The following TRIM65 variants were observed in gnomAD, a reference collection of about 807,000 sequenced individuals.
The protein encoded by TRIM65 is tripartite motif containing 65, also known as E3 ubiquitin-protein ligase TRIM65.
A neutral mutation model predicts 36.1 loss-of-function variants in TRIM65; 46 were observed. That is an observed-to-expected ratio of 1.27 (90% confidence interval 1.01 to 1.63). The LOEUF (loss-of-function observed/expected upper bound fraction) is 1.63. TRIM65 is among the 40% of genes most tolerant of loss of function. The pLI is 0.00. For missense variants in TRIM65, 708 were observed against 696.6 expected, an observed-to-expected ratio of 1.02 and a Z score of -0.18; for synonymous variants, 346 against 313.6, an observed-to-expected ratio of 1.10 and a Z score of -1.09.
chr17:75,891,924 T>C (rs1356924310), intron 4 of TRIM65, 46 bp from the exon 5 acceptor site: 1 of 1,578,980 alleles, frequency 6.3e-7, no homozygotes, highest in Admixed American at 1.8e-5. Context: ...GAGGTCACGA[T>C]GTGTGGGCCC....
intron 1 of TRIM65, among the ~76,000 whole-genome samples, chr17:75,895,450 C>T (rs2065332222): frequency 6.6e-6 from 1 of 152,158 alleles, no homozygotes; most frequent in African/African-American, 2.4e-5. Flanking sequence ...CCCCCAGGAC[C>T]CTGCCCGATC....
chr17:75,896,492 C>T, intron 1 of TRIM65, 32 bp downstream of exon 1: 1 of 1,303,574 alleles, frequency 7.7e-7, no homozygotes, highest in Non-Finnish European at 9.8e-7. Context: ...GCGGCGGGTC[C>T]GGACCCCTCC....
chr17:75,892,934 G>GGTGT, intron 1 of TRIM65, 84 bp from the exon 2 acceptor site: 18 of 1,243,316 alleles, frequency 1.4e-5, no homozygotes, highest in Non-Finnish European at 1.9e-5. Context: ...AACCATGCCT[G>GGTGT]CAGACACCAG....
At chr17:75,892,662 G>A (rs3744027) in intron 2 of TRIM65, 93 bp downstream of exon 2, 256,742 of 1,328,732 alleles carry the variant, frequency 0.19, 27,229 homozygotes, top group African/African-American at 0.41. Flanking sequence ...GCTCAGCCCC[G>A]CTCCCTGCTG....
In TRIM65 at chr17:75,891,128, G is replaced by A. The variant is rs531815348; in HGVS notation, c.1205C>T (p.Pro402Leu). 6.2e-6 allele frequency: 10 copies of A among 1,608,486 alleles called. No homozygotes were observed. In the East Asian group the frequency reaches 6.7e-5, roughly 11 times the overall value. ...CCCCAGCCTGCACCGTGGCAGTTGCGGGTAGGAGACGCCCAGTGTCACCGA... is the reference window on the plus strand; with the variant it reads ...CCCCAGCCTGCACCGTGGCAGTTGCAGGTAGGAGACGCCCAGTGTCACCGA... ...DHSVTLGVSY[P>L]QLPRCRLGPH... The change falls in exon 6 of 6, where the codon CCG (proline) becomes CTG (leucine). Residue 402 changes from proline to leucine, a missense_variant. Pro to Leu is a moderately conservative substitution (Grantham distance 98). Transcript: ENST00000269383.
downstream of TRIM65, chr17:75,880,204 C>T (rs2065160754): frequency 6.6e-6 from 1 of 150,824 alleles, no homozygotes; most frequent in African/African-American, 2.5e-5. Context: ...AGACTCTGTC[C>T]TGGGCGTCTG....
chr17:75,883,453 T>G (rs1170499206), intron 4 of TRIM65, among the ~76,000 whole-genome samples: 1 of 152,026 alleles, frequency 6.6e-6, no homozygotes, highest in African/African-American at 2.4e-5. Flanking sequence ...TGTTTTATTT[T>G]GTTTTTTGGT....
Position 75,892,314 on chromosome 17 carries a change from TGCA to T in TRIM65, c.694_696del (p.Cys232del). 2.5e-6 allele frequency: 4 copies of T among 1,612,670 alleles called. No homozygotes were observed. Among genetic ancestry groups the T allele is most frequent in the Non-Finnish European group, 3.4e-6 (4 of 1,179,904 alleles). ...ACCTGCTCCAGGAGCTCCCGGATCC[TGCA>T]GCCATGGCGAGCCACAGCCTCCAAA... is the stretch of plus-strand genomic sequence containing the variant. On this transcript the variant is annotated inframe_deletion, in exon 3 of 6. Transcript: ENST00000269383.
At chr17:75,891,701 C>T in intron 5 of TRIM65, 112 bp downstream of exon 5, 1 of 1,350,972 alleles carries the variant, frequency 7.4e-7, no homozygotes, top group South Asian at 1.3e-5. Context: ...CAAGTGCCCC[C>T]CTCACTCACA....
chr17:75,891,744 C>A, intron 5 of TRIM65, 69 bp downstream of exon 5: 5 of 1,016,082 alleles, frequency 4.9e-6, no homozygotes, highest in African/African-American at 2.9e-5. Context: ...CACACGTGCT[C>A]ACAGCACACA....
intron 4 of TRIM65, among the ~76,000 whole-genome samples, chr17:75,882,282 A>G (rs1306736971): frequency 1.3e-5 from 2 of 148,608 alleles, no homozygotes; most frequent in Non-Finnish European, 3.0e-5. Flanking sequence ...ATCTCATCTC[A>G]CTGCAACCTC....
intron 5 of TRIM65, 87 bp from the exon 6 acceptor site, chr17:75,891,434 A>G: frequency 7.1e-7 from 1 of 1,401,072 alleles, no homozygotes. Flanking sequence ...TCCGCCAGGC[A>G]CGCTGAGCAC....
At chr17:75,888,323 A>C (rs1353754987), downstream of TRIM65, among the ~76,000 whole-genome samples, 1 of 151,064 alleles carries the variant, frequency 6.6e-6, no homozygotes, top group Non-Finnish European at 1.5e-5. Flanking sequence ...ATTGTACTCC[A>C]GCCTGGGCGA....
At chr17:75,893,026 C>CG (rs1433991745) in intron 1 of TRIM65, among the ~76,000 whole-genome samples, 176 bp from the exon 2 acceptor site, 10 of 151,990 alleles carry the variant, frequency 6.6e-5, no homozygotes, top group Non-Finnish European at 7.4e-5. Flanking sequence ...GGCCGTGCCC[C>CG]GGGGGGGTCC....
At chr17:75,895,561 G>A (rs2065334370) in intron 1 of TRIM65, among the ~76,000 whole-genome samples, 1 of 152,136 alleles carries the variant, frequency 6.6e-6, no homozygotes, top group Admixed American at 6.5e-5. Flanking sequence ...CCAGAGACGG[G>A]ACCAGGCTGA....
chr17:75,884,938 CTTT>C (rs534194648), downstream of TRIM65, among the ~76,000 whole-genome samples: 4 of 135,864 alleles, frequency 2.9e-5, no homozygotes, highest in Non-Finnish European at 3.2e-5. Context: ...ACTTGAGTTC[CTTT>C]TTTTTTTTTT....
At chr17:75,893,570 C>T (rs1295934736) in intron 1 of TRIM65, among the ~76,000 whole-genome samples, 1 of 152,164 alleles carries the variant, frequency 6.6e-6, no homozygotes, top group Non-Finnish European at 1.5e-5. Context: ...AGCTTCACCA[C>T]CTTGTTTCTG....
At chr17:75,893,942 C>T (rs2065309256) in intron 1 of TRIM65, among the ~76,000 whole-genome samples, 3 of 152,290 alleles carry the variant, frequency 2.0e-5, no homozygotes, top group South Asian at 4.1e-4. Context: ...TGCACCCGCC[C>T]ATGAGCAGTA....
rs973519153 is a variant in TRIM65, at chr17:75,891,317, C to T, written c.1016G>A (p.Ser339Asn). 6.2e-7 allele frequency: 1 copy of T among 1,613,196 alleles called. No individual in the cohort carries two copies. The highest frequency in any genetic ancestry group is 8.5e-7 in the Non-Finnish European group (1 of 1,180,018). ...CGACAGATAGAAGTGACGGTTGGCGCTGACTGGATCAAAGGTCAGATTGCG... is the reference window on the plus strand; with the variant it reads ...CGACAGATAGAAGTGACGGTTGGCGTTGACTGGATCAAAGGTCAGATTGCG... ...NYRNLTFDPV[S>N]ANRHFYLSRQ... The change falls in exon 6 of 6, where the codon AGC becomes AAC. Residue 339 changes from serine to asparagine, a missense_variant. Ser to Asn is a conservative substitution (Grantham distance 46). Coordinates refer to ENST00000269383, the MANE Select transcript of TRIM65 (RefSeq NM_173547.4).
Sources: allele counts gnomAD v4.1 joint callset (sites outside exome capture counted in the v4.1 genomes callset), GRCh38; gene constraint gnomAD v4.1.1; transcripts MANE v1.5; gene names NCBI Gene and HGNC (gene_info 2026-07-23, HGNC 2026-07-21).